The following HECW2 variants were observed in gnomAD, a reference collection of about 807,000 sequenced individuals.
HECW2 encodes the protein HECT, C2 and WW domain containing E3 ubiquitin protein ligase 2, also known as E3 ubiquitin-protein ligase HECW2.
Under a neutral mutation model 175.2 loss-of-function variants are expected in HECW2, and 61 were observed. The observed-to-expected ratio is 0.35, with a 90% confidence interval of 0.28 to 0.43. HECW2 has a LOEUF of 0.43. Ranked by LOEUF, HECW2 falls within the 20% of genes least tolerant of loss-of-function variation. HECW2 has a pLI of 1.00. For synonymous variants in HECW2, 671 were observed against 731.0 expected, an observed-to-expected ratio of 0.92 and a Z score of 1.32; for missense variants, 1,524 against 2,000.5, an observed-to-expected ratio of 0.76 and a Z score of 4.54.
chr2:196,327,757 A>G (rs1296122051), intron 5 of HECW2, among the ~76,000 whole-genome samples: 1 of 152,222 alleles, frequency 6.6e-6, no homozygotes, highest in Non-Finnish European at 1.5e-5. Context: ...TATGGTAAGA[A>G]ATAAAACAGA....
rs1686828432 is a variant in HECW2 at position 196,200,736 on chromosome 2, C to T, written c.*541G>A. The T allele has an allele frequency of 6.5e-6, 1 of 152,960 alleles. No individual in the cohort carries two copies. The highest frequency in any genetic ancestry group is 2.1e-4 in the South Asian group (1 of 4,868). The allele number at this position is 152,960 out of a possible 1,614,324, so 9.5% of individuals were successfully genotyped here. On this transcript the variant is annotated 3_prime_UTR_variant, in exon 29 of 29. Coordinates refer to ENST00000644978, the MANE Select transcript of HECW2 (RefSeq NM_001348768.2). ...TCATATTGACTTGGTTTCATTTTCA[C>T]TCATGTCCCATGAAAGCGGAAACCT... is the stretch of plus-strand genomic sequence containing the variant.
At chr2:196,371,556 G>T (rs767086868) in intron 2 of HECW2, among the ~76,000 whole-genome samples, 1 of 152,220 alleles carries the variant, frequency 6.6e-6, no homozygotes, top group African/African-American at 2.4e-5. Context: ...TCTAGAAACT[G>T]ACTGGAAGCT....
chr2:196,528,867 C>G (rs950797345), intron 1 of HECW2, among the ~76,000 whole-genome samples: 4 of 152,204 alleles, frequency 2.6e-5, no homozygotes, highest in African/African-American at 9.7e-5. Flanking sequence ...AGTCAGGTAC[C>G]TGGAAACTCT....
intron 1 of HECW2, among the ~76,000 whole-genome samples, chr2:196,436,243 T>C (rs1695868093): frequency 6.6e-6 from 1 of 151,506 alleles, no homozygotes; most frequent in African/African-American, 2.4e-5. Context: ...TACTACAAAA[T>C]AGAAAAAATT....
intron 10 of HECW2, among the ~76,000 whole-genome samples, chr2:196,315,166 G>A (rs1457679355): frequency 6.9e-6 from 1 of 145,204 alleles, no homozygotes; most frequent in Non-Finnish European, 1.6e-5. Context: ...GTGTGTGTGT[G>A]TGTGTGTGTG....
At chr2:196,326,203 TC>T (rs1692144466) in intron 5 of HECW2, among the ~76,000 whole-genome samples, 1 of 152,162 alleles carries the variant, frequency 6.6e-6, no homozygotes, top group South Asian at 2.1e-4. Flanking sequence ...ACCAGGGTCA[TC>T]CCACATAAGC....
chr2:196,402,870 G>A (rs1475907988), intron 2 of HECW2, among the ~76,000 whole-genome samples: 1 of 140,148 alleles, frequency 7.1e-6, no homozygotes, highest in Non-Finnish European at 1.5e-5. Flanking sequence ...GCAGTGGCAC[G>A]ATCTCAGCTC....
chr2:196,279,047 A>G (rs1193863547), intron 14 of HECW2, among the ~76,000 whole-genome samples: 2 of 139,746 alleles, frequency 1.4e-5, no homozygotes, highest in Non-Finnish European at 3.2e-5. Flanking sequence ...TGAAACTTAA[A>G]AAAAAAAATT....
chr2:196,519,654 A>G (rs936921702), intron 1 of HECW2, among the ~76,000 whole-genome samples: 11 of 152,228 alleles, frequency 7.2e-5, no homozygotes, highest in African/African-American at 2.4e-4. Context: ...GGATAAATGC[A>G]GATTCATGGA....
At chr2:196,465,362 T>C (rs1037755229) in intron 1 of HECW2, among the ~76,000 whole-genome samples, 6 of 152,180 alleles carry the variant, frequency 3.9e-5, no homozygotes, top group Admixed American at 1.3e-4. Context: ...AACTTTCTTA[T>C]CTAGATTAAT....
At chr2:196,422,715 T>A (rs1695439586) in intron 2 of HECW2, among the ~76,000 whole-genome samples, 1 of 152,156 alleles carries the variant, frequency 6.6e-6, no homozygotes, top group South Asian at 2.1e-4. Flanking sequence ...AACAATTACA[T>A]GTTCAAAGCT....
rs571354171 is a variant in HECW2, at chr2:196,317,965, T to C, written c.2338+587A>G. 1.6e-4 allele frequency among the ~76,000 whole-genome samples: 25 copies of C among 152,314 alleles called. 2 individuals are homozygous for C. The South Asian group carries it at 5.2e-3, about 32-fold the overall frequency. ...AGTCAGAAGACATCACCTAACTTAG[T>C]TGACATTCCTAAATTGTAGAAGACA... On this transcript the variant is annotated intron_variant, in intron 9 of 28. Transcript: ENST00000644978.
At chr2:196,220,296 C>T in intron 25 of HECW2, 143 bp from the exon 26 acceptor site, 1 of 623,354 alleles carries the variant, frequency 1.6e-6, no homozygotes, top group Non-Finnish European at 2.9e-6. Context: ...CTGTAAAGCT[C>T]CCTACAAATA....
At chr2:196,220,716 AC>A in intron 25 of HECW2, 78 bp downstream of exon 25, 1 of 1,416,862 alleles carries the variant, frequency 7.1e-7, no homozygotes, top group Non-Finnish European at 9.9e-7. Context: ...AATAGTCTAC[AC>A]ATGTAAAGTA....
At chr2:196,213,704 G>A (rs530072458) in intron 28 of HECW2, among the ~76,000 whole-genome samples, 1 of 152,334 alleles carries the variant, frequency 6.6e-6, no homozygotes, top group South Asian at 2.1e-4. Flanking sequence ...TTACCCAACT[G>A]TGTGTATGCT....
At chr2:196,255,835 G>A (rs887046046) in intron 18 of HECW2, among the ~76,000 whole-genome samples, 1 of 152,198 alleles carries the variant, frequency 6.6e-6, no homozygotes, top group Non-Finnish European at 1.5e-5. Context: ...CACTTTGGGA[G>A]GCCGAGGAGG....
At chr2:196,504,295 CA>C (rs371882295) in intron 1 of HECW2, among the ~76,000 whole-genome samples, 2,227 of 94,174 alleles carry the variant, frequency 0.024, 48 homozygotes, top group African/African-American at 0.088. Flanking sequence ...AACTCTGTCT[CA>C]AAAAAAAAAA....
intron 10 of HECW2, among the ~76,000 whole-genome samples, chr2:196,314,811 G>A (rs1691627508): frequency 6.6e-6 from 1 of 152,158 alleles, no homozygotes; most frequent in Non-Finnish European, 1.5e-5. Flanking sequence ...TAAGAGATGG[G>A]CCAATCTGCA....
chr2:196,265,114 T>C (rs10189879), intron 17 of HECW2, among the ~76,000 whole-genome samples: 39,869 of 152,028 alleles, frequency 0.26, 8,073 homozygotes, highest in African/African-American at 0.54. Flanking sequence ...AAATGTAAAA[T>C]ATTTTAGAGT....
Sources: gnomAD v4.1 joint callset for allele counts (sites outside exome capture counted in the v4.1 genomes callset) on GRCh38, gnomAD v4.1.1 for gene constraint, MANE v1.5 for transcripts, NCBI Gene and HGNC (gene_info 2026-07-23, HGNC 2026-07-21) for gene names.